The following GOLGA2 variants were observed in gnomAD, a reference collection of about 807,000 sequenced individuals.
The protein encoded by GOLGA2 is golgin A2.
Under a neutral mutation model 148.8 loss-of-function variants are expected in GOLGA2, and 49 were observed. The observed-to-expected ratio is 0.33, with a 90% CI of 0.26 to 0.42. GOLGA2 has a LOEUF of 0.42. Ranked by LOEUF, GOLGA2 falls within the 10% of genes least tolerant of loss-of-function variation. GOLGA2 has a pLI of 1.00. For missense variants in GOLGA2, 1,178 were observed against 1,304.6 expected (o/e 0.90, Z 1.49); for synonymous variants, 501 against 511.8 (o/e 0.98, Z 0.28).
chr9:128,267,563 G>A, intron 6 of GOLGA2, 46 bp from the exon 7 acceptor site: 2 of 1,417,504 alleles, frequency 1.4e-6, no homozygotes, highest in Non-Finnish European at 2.0e-6. Context: ...TCCCCTCAGT[G>A]TCTAAGCCCT....
intron 12 of GOLGA2, among the ~76,000 whole-genome samples, chr9:128,264,038 G>A (rs1256764479): frequency 6.7e-6 from 1 of 149,556 alleles, no homozygotes; most frequent in African/African-American, 2.4e-5. Flanking sequence ...GGTGGCAGGT[G>A]CCTGTAGTCC....
rs749587699 is a variant in GOLGA2 at position 128,258,156 on chromosome 9, GCTC to G, written c.2329_2331del (p.Glu777del). On this transcript the variant is annotated inframe_deletion, in exon 23 of 27. Coordinates refer to ENST00000611957, the MANE Select transcript of GOLGA2 (RefSeq NM_001366244.2). This position sits in a 1 kb window ranked among gnomAD's most constrained non-coding sequence, Gnocchi z 6.6. ...TTCAGCTGCCCACGTAGCCTTGCCT[GCTC>G]CTCCTCGGCACTGGCTACAGCTGAG... is the stretch of plus-strand genomic sequence containing the variant. 2.5e-6 allele frequency: 4 copies of G among 1,605,326 alleles called. No homozygotes were observed. The highest frequency in any genetic ancestry group is 2.5e-6 in the Non-Finnish European group (3 of 1,178,024).
chr9:128,266,277 A>T lies in GOLGA2; in HGVS notation c.681+10T>A. 1 of 1,609,212 alleles carries T rather than the reference A, an allele frequency of 6.2e-7. No individual in the cohort carries two copies. Among genetic ancestry groups the T allele is most frequent in the South Asian group, 1.1e-5 (1 of 90,970 alleles). ...AGTCATGTTGTGAGCAAACAAAGAA[A>T]TCACGTTACTTCTTCCAACTGATCC... On this transcript the variant is annotated intron_variant, in intron 9 of 26. Coordinates refer to ENST00000611957, the MANE Select transcript of GOLGA2 (RefSeq NM_001366244.2). The surrounding 1 kb of genome is among the most constrained non-coding windows in gnomAD (Gnocchi z 4.2).
intron 13 of GOLGA2, 48 bp from the exon 14 acceptor site, chr9:128,262,752 A>G (rs1444880594): frequency 6.4e-7 from 1 of 1,574,068 alleles, no homozygotes; most frequent in Non-Finnish European, 8.7e-7. Context: ...AACAGAAAGG[A>G]CTGCTTTGGT....
chr9:128,275,924 C>T lies in GOLGA2; in HGVS notation c.53G>A (p.Arg18Gln), dbSNP rs200191287. ...PPRPAMSEET[R>Q]QSKLAAAKKK... ...CTTCGCTGCGGCCAATTTGCTCTGT[C>T]GGGTTTCTTCCGACATCGCGGGGCG... Residue 18 changes from arginine (R) to glutamine (Q), a missense_variant, in exon 1 of 27, where the codon CGA becomes CAA. Physicochemically the swap from Arg to Gln is conservative, Grantham distance 43. This residue lies in a region of GOLGA2 where 158 missense variants were observed against 156.6 expected (regional missense o/e 1.01). Coordinates refer to ENST00000611957, the MANE Select transcript of GOLGA2 (RefSeq NM_001366244.2). The T allele has an allele frequency of 6.3e-7, 1 of 1,588,636 alleles. No homozygotes were observed. Among genetic ancestry groups the T allele is most frequent in the Non-Finnish European group, 8.6e-7 (1 of 1,167,700 alleles).
chr9:128,264,575 C>T (rs12343744), intron 12 of GOLGA2, among the ~76,000 whole-genome samples: 10,149 of 152,040 alleles, frequency 0.067, 488 homozygotes, highest in East Asian at 0.23. Context: ...TACAGGGGCA[C>T]GCCACCACAC....
In GOLGA2 at chr9:128,258,170, C is replaced by T. The variant is rs1475875902; in HGVS notation, c.2318G>A (p.Ser773Asn). Residue 773 changes from serine to asparagine, a missense_variant, in exon 23 of 27, where the codon AGT becomes AAT. Ser to Asn is a conservative substitution (Grantham distance 46, BLOSUM62 1). This residue lies in a region of GOLGA2 where 529 missense variants were observed against 521.8 expected (regional missense o/e 1.01). Coordinates refer to ENST00000611957, the MANE Select transcript of GOLGA2 (RefSeq NM_001366244.2). This position sits in a 1 kb window ranked among gnomAD's most constrained non-coding sequence, Gnocchi z 6.6. ...MVAFFNSAVA[S>N]AEEEQARLRG... is the part of the protein sequence containing the mutation. Reference sequence around the variant, plus strand: ...TAGCCTTGCCTGCTCCTCCTCGGCACTGGCTACAGCTGAGTTGAAAAATGC... The same window carrying T: ...TAGCCTTGCCTGCTCCTCCTCGGCATTGGCTACAGCTGAGTTGAAAAATGC... The T allele has an allele frequency of 2.5e-6, 4 of 1,600,118 alleles. No homozygotes were observed. In the Admixed American group the frequency reaches 5.1e-5, roughly 21 times the overall value.
At position 128,257,350 on chromosome 9, in the gene GOLGA2, T is replaced by C; in HGVS notation, c.2875+19A>G. 1 of 1,612,878 alleles carries C rather than the reference T, an allele frequency of 6.2e-7. No individual in the cohort carries two copies. Among genetic ancestry groups the C allele is most frequent in the Non-Finnish European group, 8.5e-7 (1 of 1,179,892 alleles). ...TCCCTTACTCCTGCCTGCCCACCCCTCCCGAGGGCTCTACTCACCACCCTG... is the reference window on the plus strand; with the variant it reads ...TCCCTTACTCCTGCCTGCCCACCCCCCCCGAGGGCTCTACTCACCACCCTG... On this transcript the variant is annotated intron_variant, in intron 26 of 26. Transcript: ENST00000611957. This position sits in a 1 kb window ranked among gnomAD's most constrained non-coding sequence, Gnocchi z 8.0.
intron 3 of GOLGA2, among the ~76,000 whole-genome samples, chr9:128,269,727 G>A (rs1309353378): frequency 2.6e-5 from 4 of 152,232 alleles, no homozygotes; most frequent in Non-Finnish European, 4.4e-5. Context: ...ACACCAGGGA[G>A]CCAGGGCCTG....
chr9:128,260,483 C>G lies in GOLGA2; in HGVS notation c.1740G>C (p.Gln580His). Residue 580 changes from glutamine to histidine, a missense_variant, in exon 18 of 27, where the codon CAG becomes CAC. Physicochemically the swap from Gln to His is conservative, Grantham distance 24. Coordinates refer to ENST00000611957, the MANE Select transcript of GOLGA2 (RefSeq NM_001366244.2). The surrounding 1 kb of genome is among the most constrained non-coding windows in gnomAD (Gnocchi z 4.8). ...RELKEQLAEL[Q>H]SGFVKLTNEN... ...AGCGCACCAGCTTTACAAATCCGCTCTGCAGCTCAGCCAGCTGCTCCTTGA... is the reference window on the plus strand; with the variant it reads ...AGCGCACCAGCTTTACAAATCCGCTGTGCAGCTCAGCCAGCTGCTCCTTGA... 1 of 1,611,296 alleles carries G rather than the reference C, an allele frequency of 6.2e-7. No homozygotes were observed. Among genetic ancestry groups the G allele is most frequent in the Non-Finnish European group, 8.5e-7 (1 of 1,178,244 alleles).
At position 128,261,085 on chromosome 9, in the gene GOLGA2, T is replaced by A; in HGVS notation, c.1420+87A>T. The A allele has an allele frequency of 1.1e-6, 1 of 910,466 alleles. No individual in the cohort carries two copies. The highest frequency in any genetic ancestry group is 1.8e-6 in the Non-Finnish European group (1 of 542,730). The allele number at this position is 910,466 out of a possible 1,614,324, so 56.4% of individuals were successfully genotyped here. Reference sequence around the variant, plus strand: ...TTCCCTCTGCCTCAAAGCCATTCCATCCACCCAACTCCCTGGGGCATTCTA... The same window carrying A: ...TTCCCTCTGCCTCAAAGCCATTCCAACCACCCAACTCCCTGGGGCATTCTA... On this transcript the variant is annotated intron_variant, in intron 17 of 26. Coordinates refer to ENST00000611957, the MANE Select transcript of GOLGA2 (RefSeq NM_001366244.2). This position sits in a 1 kb window ranked among gnomAD's most constrained non-coding sequence, Gnocchi z 5.7.
chr9:128,259,047 C>T lies in GOLGA2; in HGVS notation c.2133G>A (p.Gln711=), dbSNP rs199659664. The change falls in exon 21 of 27, where the codon CAG becomes CAA. Residue 711 remains glutamine, a synonymous_variant. Coordinates refer to ENST00000611957, the MANE Select transcript of GOLGA2 (RefSeq NM_001366244.2). ...CCATGAGGCTCAACTGGGCCCGTAGCTGCTGATTCTGCTGGGTGGCAGCTT... is the reference window on the plus strand; with the variant it reads ...CCATGAGGCTCAACTGGGCCCGTAGTTGCTGATTCTGCTGGGTGGCAGCTT... The part of the protein sequence containing the change: ...RLEAATQQNQ[Q]LRAQLSLMAH... The T allele has an allele frequency of 1.2e-6, 2 of 1,611,208 alleles. No homozygotes were observed. Among genetic ancestry groups the T allele is most frequent in the African/African-American group, 1.3e-5 (1 of 75,026 alleles).
At position 128,265,848 on chromosome 9, in the gene GOLGA2, C is replaced by T; in HGVS notation, c.766G>A (p.Glu256Lys). The T allele has an allele frequency of 3.1e-6, 5 of 1,613,908 alleles. No homozygotes were observed. The highest frequency in any genetic ancestry group is 4.2e-6 in the Non-Finnish European group (5 of 1,179,748). Reference protein sequence around the residue: ...HIQTIGILVSEKAELQTALAH... With the variant: ...HIQTIGILVSKKAELQTALAH... ...AGGGCTGTCTGTAACTCAGCTTTCT[C>T]TGATACGAGGATCCCTATGGTCTGA... The change falls in exon 11 of 27, where the codon GAG (glutamate) becomes AAG (lysine). Residue 256 changes from glutamate to lysine, a missense_variant. By Grantham distance (56) the Glu-to-Lys change is moderately conservative. Coordinates refer to ENST00000611957, the MANE Select transcript of GOLGA2 (RefSeq NM_001366244.2).
Position 128,266,694 on chromosome 9 carries a change from G to A in GOLGA2, c.643-369C>T, listed in dbSNP as rs1215886651. On this transcript the variant is annotated intron_variant, in intron 8 of 26. Coordinates refer to ENST00000611957, the MANE Select transcript of GOLGA2 (RefSeq NM_001366244.2). This position sits in a 1 kb window ranked among gnomAD's most constrained non-coding sequence, Gnocchi z 4.2. Reference sequence around the variant, plus strand: ...GGCCAGGTACGGTTCTTAATAGCAGGGATACCAGACAGAAAAAGACAGACA... The same window carrying A: ...GGCCAGGTACGGTTCTTAATAGCAGAGATACCAGACAGAAAAAGACAGACA... 1 of 384,556 alleles carries A rather than the reference G, an allele frequency of 2.6e-6. No homozygotes were observed. Among genetic ancestry groups the A allele is most frequent in the Non-Finnish European group, 4.7e-6 (1 of 211,964 alleles). The allele number at this position is 384,556 out of a possible 1,614,324, so 23.8% of individuals were successfully genotyped here.
Position 128,260,018 on chromosome 9 carries a change from AC to A in GOLGA2, c.1872+57del. On this transcript the variant is annotated intron_variant, in intron 19 of 26. Transcript: ENST00000611957. The surrounding 1 kb of genome is among the most constrained non-coding windows in gnomAD (Gnocchi z 4.8). ...CTGGAGCTGCCTCTGGCCTCACACC[AC>A]CCCTCCCCAGAGGCTGGTGCCCGCC... 3.3e-6 allele frequency: 4 copies of A among 1,230,330 alleles called. No individual in the cohort carries two copies. The highest frequency in any genetic ancestry group is 3.6e-6 in the Non-Finnish European group (3 of 841,826). 76.2% of individuals were successfully genotyped at this position (1,230,330 alleles called of 1,614,324 possible). A position where few individuals can be genotyped will look rare whatever the true frequency, so the allele number is the denominator to read the frequency against.
Position 128,265,578 on chromosome 9 carries a change from G to C in GOLGA2, c.933+7C>G. 1 of 1,597,244 alleles carries C rather than the reference G, an allele frequency of 6.3e-7. No homozygotes were observed. Among genetic ancestry groups the C allele is most frequent in the Non-Finnish European group, 8.6e-7 (1 of 1,164,996 alleles). ...TGCCAGGGGACGGGGCAGGCAGTTGGACTCACCCTGTCTGCCTTCTTCTGC... is the reference window on the plus strand; with the variant it reads ...TGCCAGGGGACGGGGCAGGCAGTTGCACTCACCCTGTCTGCCTTCTTCTGC... On this transcript the variant is annotated splice_region_variant and intron_variant, in intron 12 of 26. Transcript: ENST00000611957.
chr9:128,260,588 C>G lies in GOLGA2; in HGVS notation c.1635G>C (p.Ala545=), dbSNP rs146436048. ...TCTCCAGGATTTGCCTGCGCGCCTCCGCCTGCTCCCCCCAGAGCTCGGCCG... is the reference window on the plus strand; with the variant it reads ...TCTCCAGGATTTGCCTGCGCGCCTCGGCCTGCTCCCCCCAGAGCTCGGCCG... ...ERAAELWGEQ[A]EARRQILETM... The change falls in exon 18 of 27, where the codon GCG becomes GCC. Residue 545 remains alanine (A), a synonymous_variant. Coordinates refer to ENST00000611957, the MANE Select transcript of GOLGA2 (RefSeq NM_001366244.2). This position sits in a 1 kb window ranked among gnomAD's most constrained non-coding sequence, Gnocchi z 4.8. The G allele has an allele frequency of 1.2e-6, 2 of 1,611,702 alleles. No homozygotes were observed. The highest frequency in any genetic ancestry group is 4.5e-5 in the East Asian group (2 of 44,874).
rs748579135 is a variant in GOLGA2 at position 128,259,202 on chromosome 9, C to G, written c.2062G>C (p.Ala688Pro). ...QQQEAQGKAV[A>P]EMARQELQET... ...TGCAACTCTTGGCGGGCCATCTCGGCCACCGCTTTGCCCTGAGCTTCCTGC... is the reference window on the plus strand; with the variant it reads ...TGCAACTCTTGGCGGGCCATCTCGGGCACCGCTTTGCCCTGAGCTTCCTGC... Residue 688 changes from alanine to proline, a missense_variant, in exon 20 of 27, where the codon GCC (alanine) becomes CCC (proline). This residue lies in a region of GOLGA2 where 529 missense variants were observed against 521.8 expected (regional missense o/e 1.01). Transcript: ENST00000611957. 1 of 1,587,606 alleles carries G rather than the reference C, an allele frequency of 6.3e-7. No individual in the cohort carries two copies. The highest frequency in any genetic ancestry group is 8.6e-7 in the Non-Finnish European group (1 of 1,167,224).
chr9:128,264,491 G>A (rs111682691), intron 12 of GOLGA2, among the ~76,000 whole-genome samples: 6 of 151,786 alleles, frequency 4.0e-5, no homozygotes, highest in South Asian at 2.1e-4. Context: ...GCAGTGGCAC[G>A]ATCTCAGCTC....
Sources: gnomAD v4.1 joint callset for allele counts (sites outside exome capture counted in the v4.1 genomes callset) on GRCh38, gnomAD v4.1.1 for gene constraint, gnomAD v4.1.1 regional missense constraint, Gnocchi (gnomAD v3.1) non-coding constraint, MANE v1.5 for transcripts, NCBI Gene and HGNC (gene_info 2026-07-23, HGNC 2026-07-21) for gene names.